Variants in DENND2A observed in about 807,000 individuals in gnomAD.
DENND2A encodes DENN domain-containing protein 2A.
In DENND2A, 53 loss-of-function variants were observed where a neutral mutation model predicts 105.3. The observed-to-expected ratio is 0.50, with a 90% CI of 0.40 to 0.63. DENND2A has a LOEUF of 0.63. Ranked by LOEUF, DENND2A falls within the 30% of genes least tolerant of loss-of-function variation. The pLI is 0.00. For missense variants in DENND2A, 1,138 were observed against 1,279.6 expected (o/e 0.89, Z 1.69); for synonymous variants, 522 against 508.4 (o/e 1.03, Z -0.36).
At chr7:140,619,759 C>T (rs1800213798) in intron 1 of DENND2A, among the ~76,000 whole-genome samples, 1 of 152,040 alleles carries the variant, frequency 6.6e-6, no homozygotes, top group African/African-American at 2.4e-5. Context: ...CTCGGCCTCC[C>T]AAAGTGCTGG....
chr7:140,611,864 T>C (rs942381086), intron 1 of DENND2A, among the ~76,000 whole-genome samples: 11 of 152,188 alleles, frequency 7.2e-5, no homozygotes, highest in Non-Finnish European at 1.3e-4. Flanking sequence ...TTTGGAATGA[T>C]AGAAATGTCC....
intron 3 of DENND2A, among the ~76,000 whole-genome samples, chr7:140,594,177 G>A (rs1057506354): frequency 4.6e-5 from 7 of 152,054 alleles, no homozygotes; most frequent in African/African-American, 1.4e-4. Flanking sequence ...CAAAATGTTG[G>A]GATTACAAGC....
At position 140,640,444 on chromosome 7, in the gene DENND2A, C is replaced by A. The variant is rs1801157603; in HGVS notation, c.-248+60G>T. The A allele has an allele frequency of 6.6e-6, 1 of 152,106 alleles. No individual in the cohort carries two copies. The highest frequency in any genetic ancestry group is 2.1e-4 in the South Asian group (1 of 4,836). 9.4% of individuals were successfully genotyped at this position (152,106 alleles called of 1,614,324 possible). On this transcript the variant is annotated intron_variant, in intron 1 of 19. Transcript: ENST00000496613. The surrounding 1 kb of genome is among the most constrained non-coding windows in gnomAD (Gnocchi z 4.9). ...TTCCTCCCTCCCCCGCGCGTCCCCT[C>A]CTCCGTCCCCTTTCCCTCCCCAGCT...
intron 5 of DENND2A, among the ~76,000 whole-genome samples, chr7:140,579,922 A>G (rs1263084326): frequency 1.3e-5 from 2 of 152,188 alleles, no homozygotes; most frequent in African/African-American, 4.8e-5. Flanking sequence ...ACCTGAGGTC[A>G]GGAGTTCAAG....
At chr7:140,533,397 C>T (rs933857438) in intron 14 of DENND2A, among the ~76,000 whole-genome samples, 1 of 152,164 alleles carries the variant, frequency 6.6e-6, no homozygotes, top group Non-Finnish European at 1.5e-5. Flanking sequence ...CCTTGCTGTA[C>T]AGCCCTTTGT....
chr7:140,629,000 A>G (rs1800637124), intron 1 of DENND2A, among the ~76,000 whole-genome samples: 1 of 152,176 alleles, frequency 6.6e-6, no homozygotes, highest in South Asian at 2.1e-4. Flanking sequence ...AAAGATATAA[A>G]CCCTATCAAC....
intron 19 of DENND2A, among the ~76,000 whole-genome samples, chr7:140,519,299 G>A (rs992046045): frequency 4.6e-5 from 7 of 152,144 alleles, no homozygotes; most frequent in Non-Finnish European, 8.8e-5. Flanking sequence ...ACACCAGTGC[G>A]AGTCTTTCTT....
At position 140,518,482 on chromosome 7, in the gene DENND2A, T is replaced by C; in HGVS notation, c.*225A>G. On this transcript the variant is annotated 3_prime_UTR_variant, in exon 20 of 20. Coordinates refer to ENST00000496613, the MANE Select transcript of DENND2A (RefSeq NM_015689.5). ...AACCCAACCACCAAAACAACCCATT[T>C]GCATGTCGGCGACACGCCTGGTCTC... 1 of 462,590 alleles carries C rather than the reference T, an allele frequency of 2.2e-6. No homozygotes were observed. Among genetic ancestry groups the C allele is most frequent in the Non-Finnish European group, 3.8e-6 (1 of 260,566 alleles). 28.7% of individuals were successfully genotyped at this position (462,590 alleles called of 1,614,324 possible). A position where few individuals can be genotyped will look rare whatever the true frequency, so the allele number is the denominator to read the frequency against.
chr7:140,559,888 A>G lies in DENND2A; in HGVS notation c.1780-71T>C. 8.7e-7 allele frequency: 1 copy of G among 1,147,982 alleles called. No homozygotes were observed. Among genetic ancestry groups the G allele is most frequent in the Non-Finnish European group, 1.3e-6 (1 of 768,716 alleles). The allele number at this position is 1,147,982 out of a possible 1,614,324, so 71.1% of individuals were successfully genotyped here. On this transcript the variant is annotated intron_variant, in intron 9 of 19. Coordinates refer to ENST00000496613, the MANE Select transcript of DENND2A (RefSeq NM_015689.5). The surrounding 1 kb of genome is among the most constrained non-coding windows in gnomAD (Gnocchi z 4.1). ...TGGGAAATTGAGGCGGATGATGGTA[A>G]GGATGGCCTCTCCCACCTTTCCACA...
chr7:140,568,877 CTA>C lies in DENND2A; in HGVS notation c.1541-66_1541-65del. 2.7e-6 allele frequency: 4 copies of C among 1,507,206 alleles called. No individual in the cohort carries two copies. The South Asian group carries it at 3.4e-5, about 13-fold the overall frequency. The allele number at this position is 1,507,206 out of a possible 1,614,324, so 93.4% of individuals were successfully genotyped here. On this transcript the variant is annotated intron_variant, in intron 7 of 19. Coordinates refer to ENST00000496613, the MANE Select transcript of DENND2A (RefSeq NM_015689.5). ...GTTCTTCTCATGTAGGAAACTCTTT[CTA>C]TGTGGTAGCACAGATCAAATGTTCT...
chr7:140,519,377 G>A (rs1460083017), intron 19 of DENND2A, among the ~76,000 whole-genome samples: 2 of 152,228 alleles, frequency 1.3e-5, no homozygotes, highest in African/African-American at 4.8e-5. Context: ...TAACAGTGCA[G>A]GAGATCATAG....
At chr7:140,575,541 G>T (rs953075261) in intron 5 of DENND2A, among the ~76,000 whole-genome samples, 1 of 152,118 alleles carries the variant, frequency 6.6e-6, no homozygotes, top group African/African-American at 2.4e-5. Flanking sequence ...ATTGTGCAAA[G>T]GATATTGTAC....
chr7:140,544,019 G>A (rs2130520083), intron 14 of DENND2A: 2 of 162,724 alleles, frequency 1.2e-5, no homozygotes, highest in Admixed American at 1.1e-4. Flanking sequence ...AGCCTCTCAA[G>A]TAGCTGGTGT....
At chr7:140,607,207 T>C (rs975571295) in intron 1 of DENND2A, among the ~76,000 whole-genome samples, 8 of 152,168 alleles carry the variant, frequency 5.3e-5, no homozygotes, top group African/African-American at 1.7e-4. Context: ...GATGGCTGCC[T>C]GATGTCCTGG....
At chr7:140,591,654 C>CCTTCCTTT (rs1799023170) in intron 3 of DENND2A, among the ~76,000 whole-genome samples, 1 of 148,854 alleles carries the variant, frequency 6.7e-6, no homozygotes, top group African/African-American at 2.6e-5. Context: ...TCCCTTCCTT[C>CCTTCCTTT]CTTTCTTTCT....
intron 1 of DENND2A, among the ~76,000 whole-genome samples, chr7:140,618,502 G>C (rs1800164651): frequency 6.6e-6 from 1 of 152,184 alleles, no homozygotes; most frequent in South Asian, 2.1e-4. Context: ...TTGAGCCTCA[G>C]GGAGTTAGGT....
chr7:140,521,991 C>T lies in DENND2A; in HGVS notation c.2775G>A (p.Glu925=). The change falls in exon 18 of 20, where the codon GAG becomes GAA. Residue 925 remains glutamate (E), a synonymous_variant. Coordinates refer to ENST00000496613, the MANE Select transcript of DENND2A (RefSeq NM_015689.5). ...SLFLTSGERE[E]RTLQREAFRK... ...GGAAGGCCTCCCGCTGCAGGGTTCTCTCCTCACGCTCGCCCGACGTCAGGA... is the reference window on the plus strand; with the variant it reads ...GGAAGGCCTCCCGCTGCAGGGTTCTTTCCTCACGCTCGCCCGACGTCAGGA... 2 of 1,614,204 alleles carry T rather than the reference C, an allele frequency of 1.2e-6. No homozygotes were observed. The highest frequency in any genetic ancestry group is 1.7e-6 in the Non-Finnish European group (2 of 1,180,044).
At chr7:140,520,715 T>C (rs528143241) in intron 18 of DENND2A, among the ~76,000 whole-genome samples, 1,499 of 124,984 alleles carry the variant, frequency 0.012, 35 homozygotes, top group African/African-American at 0.041. Flanking sequence ...CCTGCCACCA[T>C]GCCCAGCTAA....
At chr7:140,551,746 A>G (rs1417040431) in intron 12 of DENND2A, among the ~76,000 whole-genome samples, 3 of 152,186 alleles carry the variant, frequency 2.0e-5, no homozygotes, top group African/African-American at 4.8e-5. Flanking sequence ...CTTCTTCTCC[A>G]TGACTCCTTT....
Sources: allele counts gnomAD v4.1 joint callset (sites outside exome capture counted in the v4.1 genomes callset), GRCh38; gene constraint gnomAD v4.1.1; non-coding constraint Gnocchi (gnomAD v3.1); transcripts MANE v1.5; gene names NCBI Gene and HGNC (gene_info 2026-07-23, HGNC 2026-07-21).